CABLES1: variants seen among roughly 807,000 people sequenced by gnomAD.
CABLES1 encodes the protein CDK5 and ABL1 enzyme substrate 1.
A neutral mutation model predicts 57.8 loss-of-function variants in CABLES1; 36 were observed. That is an observed-to-expected ratio of 0.62 (90% CI 0.48 to 0.82). The LOEUF is 0.82. CABLES1 is among the 40% of genes least tolerant of loss of function. CABLES1 has a pLI of 0.00. For missense variants in CABLES1, 767 were observed against 836.6 expected (o/e 0.92, Z 1.03); for synonymous variants, 374 against 363.0 (o/e 1.03, Z -0.35).
At chr18:23,200,633 G>A (rs1173071396) in intron 3 of CABLES1, among the ~76,000 whole-genome samples, 4 of 152,154 alleles carry the variant, frequency 2.6e-5, no homozygotes, top group Non-Finnish European at 4.4e-5. Flanking sequence ...GAGAACAGAC[G>A]GTTTGTGTGG....
At chr18:23,165,729 A>C (rs1167826382) in intron 1 of CABLES1, among the ~76,000 whole-genome samples, 1 of 152,206 alleles carries the variant, frequency 6.6e-6, no homozygotes, top group Non-Finnish European at 1.5e-5. Flanking sequence ...CTGTATATGC[A>C]AAACTTTGCT....
chr18:23,146,598 A>G (rs1198620027), intron 1 of CABLES1, among the ~76,000 whole-genome samples: 1 of 152,234 alleles, frequency 6.6e-6, no homozygotes, highest in African/African-American at 2.4e-5. Flanking sequence ...ATGAGATTAC[A>G]AATGTCTCAA....
chr18:23,167,053 C>G (rs931323529), intron 1 of CABLES1, among the ~76,000 whole-genome samples: 2 of 152,322 alleles, frequency 1.3e-5, no homozygotes, highest in African/African-American at 4.8e-5. Context: ...CTGGAAATAG[C>G]AACCGGATCA....
At chr18:23,151,488 C>G (rs1360387809) in intron 1 of CABLES1, among the ~76,000 whole-genome samples, 1 of 152,130 alleles carries the variant, frequency 6.6e-6, no homozygotes, top group Non-Finnish European at 1.5e-5. Flanking sequence ...GCAGGTGCGT[C>G]TTGGAGGTAG....
chr18:23,219,708 AT>A (rs1174238929), intron 4 of CABLES1, among the ~76,000 whole-genome samples: 1 of 152,176 alleles, frequency 6.6e-6, no homozygotes, highest in East Asian at 1.9e-4. Flanking sequence ...TAAAATGGGG[AT>A]GTTTAACCAG....
chr18:23,173,443 C>T (rs560815745), intron 1 of CABLES1, among the ~76,000 whole-genome samples: 31 of 152,316 alleles, frequency 2.0e-4, no homozygotes, highest in Middle Eastern at 3.4e-3. Flanking sequence ...GGAAATTGAA[C>T]CAGATCCATA....
chr18:23,179,504 C>T (rs895838385), intron 1 of CABLES1, among the ~76,000 whole-genome samples: 7 of 152,202 alleles, frequency 4.6e-5, no homozygotes, highest in Admixed American at 1.3e-4. Flanking sequence ...CCTTCCAAGC[C>T]AGCTGTGTGC....
chr18:23,233,544 A>T (rs2047581296), intron 4 of CABLES1, among the ~76,000 whole-genome samples: 1 of 152,188 alleles, frequency 6.6e-6, no homozygotes, highest in Non-Finnish European at 1.5e-5. Flanking sequence ...GAAATAGTAA[A>T]GTGCTAAATA....
chr18:23,199,755 C>T (rs1038849738), intron 3 of CABLES1, among the ~76,000 whole-genome samples: 1 of 152,188 alleles, frequency 6.6e-6, no homozygotes, highest in East Asian at 1.9e-4. Context: ...TTTAGGAATA[C>T]ACAGTGATGA....
chr18:23,208,386 T>G (rs1373386859), intron 3 of CABLES1, among the ~76,000 whole-genome samples: 1 of 152,094 alleles, frequency 6.6e-6, no homozygotes, highest in African/African-American at 2.4e-5. Context: ...GGTGGTGGTG[T>G]TTTCGTTCAG....
At chr18:23,158,119 TA>T (rs34187186) in intron 1 of CABLES1, among the ~76,000 whole-genome samples, 94,414 of 128,148 alleles carry the variant, frequency 0.74, 34,447 homozygotes, top group Middle Eastern at 0.81. Context: ...CCATCTCTAT[TA>T]AAAAAAAAAA....
upstream of CABLES1, among the ~76,000 whole-genome samples, chr18:23,135,092 A>C (rs1276951251): frequency 6.6e-6 from 1 of 152,126 alleles, no homozygotes; most frequent in East Asian, 1.9e-4. Context: ...GTAGACCCAC[A>C]ACTCTCCCAG....
At chr18:23,200,423 C>T (rs2047315922) in intron 3 of CABLES1, among the ~76,000 whole-genome samples, 1 of 151,932 alleles carries the variant, frequency 6.6e-6, no homozygotes, top group Non-Finnish European at 1.5e-5. Flanking sequence ...CCATGCCCAG[C>T]TAATTTTTTT....
intron 4 of CABLES1, among the ~76,000 whole-genome samples, chr18:23,228,421 G>T (rs1166211128): frequency 6.6e-6 from 1 of 152,162 alleles, no homozygotes; most frequent in African/African-American, 2.4e-5. Context: ...CCACAGCTGT[G>T]CATGTGTGCT....
At chr18:23,215,966 G>A (rs189702311) in intron 4 of CABLES1, among the ~76,000 whole-genome samples, 1 of 152,116 alleles carries the variant, frequency 6.6e-6, no homozygotes, top group African/African-American at 2.4e-5. Flanking sequence ...ATGTTAGCCA[G>A]GATGGTCTTG....
intron 1 of CABLES1, among the ~76,000 whole-genome samples, chr18:23,166,234 T>C (rs947602765): frequency 4.6e-5 from 7 of 151,568 alleles, no homozygotes; most frequent in Non-Finnish European, 8.8e-5. Context: ...AGAGTTTCAC[T>C]CTCGTTGCCC....
intron 4 of CABLES1, among the ~76,000 whole-genome samples, chr18:23,222,528 CTCTG>C (rs61520870): frequency 0.055 from 8,217 of 149,002 alleles, 614 homozygotes; most frequent in Admixed American, 0.22. Flanking sequence ...CTCTCTCTCT[CTCTG>C]TCTCTCTCTC....
intron 3 of CABLES1, among the ~76,000 whole-genome samples, chr18:23,203,328 AG>A (rs1250597740): frequency 6.6e-6 from 1 of 152,188 alleles, no homozygotes; most frequent in East Asian, 1.9e-4. Flanking sequence ...TGTCCTCAGC[AG>A]TAAGTCGACT....
chr18:23,167,810 C>T (rs1376974400), intron 1 of CABLES1, among the ~76,000 whole-genome samples: 1 of 151,898 alleles, frequency 6.6e-6, no homozygotes, highest in Admixed American at 6.6e-5. Flanking sequence ...GGGGCCTCGG[C>T]AGGTAGCTCT....
Sources: allele counts gnomAD v4.1 joint callset (sites outside exome capture counted in the v4.1 genomes callset), GRCh38; gene constraint gnomAD v4.1.1; transcripts MANE v1.5; gene names NCBI Gene and HGNC (gene_info 2026-07-23, HGNC 2026-07-21).